The following SUMO2 variants were observed in gnomAD, a reference collection of about 807,000 sequenced individuals.
SUMO2 encodes small ubiquitin-related modifier 2.
A neutral mutation model predicts 16.0 loss-of-function variants in SUMO2; 1 was observed. The observed-to-expected ratio is 0.06, with a 90% confidence interval of 0.02 to 0.30. The LOEUF is 0.30. Among genes scored for constraint, SUMO2 ranks in the 10% least tolerant of loss-of-function variants. The probability of loss-of-function intolerance (pLI) is 1.00; values close to 1 mark genes in which losing one functional copy is unlikely to be tolerated. For synonymous variants in SUMO2, 36 were observed against 40.6 expected, an observed-to-expected ratio of 0.89 and a Z score of 0.43; for missense variants, 16 against 117.5, an observed-to-expected ratio of 0.14 and a Z score of 3.99.
At position 75,180,392 on chromosome 17, in the gene SUMO2, TAAA is replaced by T. The variant is rs58684188; in HGVS notation, c.153+662_153+664del. Among the ~76,000 whole-genome samples the T allele has an allele frequency of 1.5e-3, 67 of 44,866 alleles. 1 individual carries two copies. The highest frequency in any genetic ancestry group is 2.3e-3 in the African/African-American group (28 of 12,218). The allele number at this position is 44,866 out of a possible 152,430, so 29.4% of individuals were successfully genotyped here. A position where few individuals can be genotyped will look rare whatever the true frequency, so the allele number is the denominator to read the frequency against. On this transcript the variant is annotated intron_variant, in intron 2 of 3. Coordinates refer to ENST00000420826, the MANE Select transcript of SUMO2 (RefSeq NM_006937.4). ...AAGAAATAGAGTGAGACTCCCAGCT[TAAA>T]AAAAAAAAAAAAAAAAAAAAAAAAA...
chr17:75,174,633 C>CGAA, intron 3 of SUMO2, 119 bp downstream of exon 3: 1 of 838,082 alleles, frequency 1.2e-6, no homozygotes. Flanking sequence ...GGTCATACTT[C>CGAA]CCAAAGCTCT....
At chr17:75,171,880 TA>T (rs1270687796) in intron 3 of SUMO2, among the ~76,000 whole-genome samples, 1 of 152,094 alleles carries the variant, frequency 6.6e-6, no homozygotes, top group Non-Finnish European at 1.5e-5. Flanking sequence ...ATCTATCTAC[TA>T]AAACAAAATT....
intron 3 of SUMO2, among the ~76,000 whole-genome samples, chr17:75,173,177 T>C (rs2074755147): frequency 1.3e-5 from 2 of 152,198 alleles, no homozygotes; most frequent in Admixed American, 6.6e-5. Flanking sequence ...AAGTCTTCTA[T>C]TTTTGAGACA....
chr17:75,181,282 C>A, intron 1 of SUMO2, 94 bp from the exon 2 acceptor site: 1 of 1,322,248 alleles, frequency 7.6e-7, no homozygotes, highest in South Asian at 1.4e-5. Context: ...CAAAAATCAA[C>A]AGGTTTCTCA....
Position 75,176,090 on chromosome 17 carries a change from G to A in SUMO2, c.154-1267C>T, listed in dbSNP as rs1018405570. ...GAGTCTCGCTCTGTCGCCCAGGCTGGAGTGAGTGGAACAATCTCAGTTCAA... is the reference window on the plus strand; with the variant it reads ...GAGTCTCGCTCTGTCGCCCAGGCTGAAGTGAGTGGAACAATCTCAGTTCAA... On this transcript the variant is annotated intron_variant, in intron 2 of 3. Coordinates refer to ENST00000420826, the MANE Select transcript of SUMO2 (RefSeq NM_006937.4). 2.0e-5 allele frequency among the ~76,000 whole-genome samples: 3 copies of A among 151,662 alleles called. No individual in the cohort carries two copies. The South Asian group carries it at 6.3e-4, about 32-fold the overall frequency.
At chr17:75,171,539 T>A (rs1319606785) in intron 3 of SUMO2, among the ~76,000 whole-genome samples, 1 of 151,480 alleles carries the variant, frequency 6.6e-6, no homozygotes, top group Non-Finnish European at 1.5e-5. Flanking sequence ...AAAAAAAAGC[T>A]GGGGAGGCAG....
At position 75,182,811 on chromosome 17, in the gene SUMO2, C is replaced by T. The variant is rs779081178; in HGVS notation, c.21+3G>A. 5 of 1,400,868 alleles carry T rather than the reference C, an allele frequency of 3.6e-6. No individual in the cohort carries two copies. The East Asian group carries it at 8.6e-5, about 24-fold the overall frequency. The allele number at this position is 1,400,868 out of a possible 1,614,324, so 86.8% of individuals were successfully genotyped here. A position where few individuals can be genotyped will look rare whatever the true frequency, so the allele number is the denominator to read the frequency against. On this transcript the variant is annotated splice_donor_region_variant and intron_variant, in intron 1 of 3. Transcript: ENST00000420826. ...GAGGCGAAGGGGCCGGCGGCGAGCT[C>T]ACCTTGGGCTTTTCGTCGGCCATGG...
intron 3 of SUMO2, among the ~76,000 whole-genome samples, chr17:75,168,664 G>A (rs553401342): frequency 2.5e-4 from 38 of 151,714 alleles, no homozygotes; most frequent in Non-Finnish European, 7.4e-5. Context: ...CTGCAGTGGC[G>A]TGATCTCAGC....
intron 2 of SUMO2, among the ~76,000 whole-genome samples, chr17:75,178,523 A>G (rs904259464): frequency 1.2e-4 from 18 of 151,610 alleles, no homozygotes; most frequent in African/African-American, 3.1e-4. Context: ...AAAAAAAAAA[A>G]AAAAGAAAAG....
intron 2 of SUMO2, among the ~76,000 whole-genome samples, chr17:75,180,406 A>AC (rs1361458714): frequency 1.4e-5 from 2 of 144,114 alleles, no homozygotes; most frequent in East Asian, 2.1e-4. Context: ...AAAAAAAAAA[A>AC]AAAAAAAAAA....
Position 75,174,764 on chromosome 17 carries a change from GTC to G in SUMO2, c.211_212del (p.Asp71HisfsTer10). On this transcript the variant is annotated frameshift_variant, in exon 3 of 4. Transcript: ENST00000420826. LOFTEE classifies it high-confidence loss of function. ...RFDGQPINET[D>X]TPAQLEMEDE... is the part of the protein sequence containing the mutation. ...GAGATTTTTTTACCTGTGCAGGTGT[GTC>G]TGTTTCATTGATTGGTTGCCCGTCA... is the stretch of plus-strand genomic sequence containing the variant. 6.2e-7 allele frequency: 1 copy of G among 1,613,786 alleles called. No individual in the cohort carries two copies. Among genetic ancestry groups the G allele is most frequent in the Non-Finnish European group, 8.5e-7 (1 of 1,179,864 alleles).
At chr17:75,169,863 A>AAAG (rs1555654319) in intron 3 of SUMO2, among the ~76,000 whole-genome samples, 5 of 75,370 alleles carry the variant, frequency 6.6e-5, no homozygotes, top group African/African-American at 2.6e-4. Flanking sequence ...AAAAAAAAAA[A>AAAG]GGTGGGGGGG....
Position 75,176,659 on chromosome 17 carries a change from C to T in SUMO2, c.154-1836G>A, listed in dbSNP as rs115746148. On this transcript the variant is annotated intron_variant, in intron 2 of 3. Coordinates refer to ENST00000420826, the MANE Select transcript of SUMO2 (RefSeq NM_006937.4). The stretch of plus-strand genomic sequence containing the variant: ...ACAAAACCGACCTAAAATGCCCCAA[C>T]CTACACCCTTGAACTTCCTGGAATA... Among the ~76,000 whole-genome samples the T allele has an allele frequency of 2.6e-3, 400 of 152,054 alleles. 2 individuals are homozygous for T. Among genetic ancestry groups the T allele is most frequent in the African/African-American group, 9.3e-3 (385 of 41,504 alleles).
chr17:75,176,583 T>C (rs2074783916), intron 2 of SUMO2, among the ~76,000 whole-genome samples: 1 of 151,688 alleles, frequency 6.6e-6, no homozygotes, highest in South Asian at 2.1e-4. Context: ...GCCCTAGCAC[T>C]CCAGCCTGGG....
chr17:75,172,462 G>A (rs1013280394), intron 3 of SUMO2, among the ~76,000 whole-genome samples: 2 of 151,100 alleles, frequency 1.3e-5, no homozygotes, highest in African/African-American at 4.9e-5. Flanking sequence ...TGGGACTACA[G>A]GCGTGCACCA....
intron 2 of SUMO2, 69 bp downstream of exon 2, chr17:75,180,988 T>C (rs369736627): frequency 1.3e-6 from 2 of 1,586,046 alleles, no homozygotes; most frequent in Non-Finnish European, 1.7e-6. Flanking sequence ...AGTCTAGTTT[T>C]TGTTCCCATG....
At position 75,165,839 on chromosome 17, in the gene SUMO2, C is replaced by T. The variant is rs899901672; in HGVS notation, c.*2500G>A. 1 of 151,934 alleles carries T rather than the reference C, an allele frequency of 6.6e-6. No homozygotes were observed. Among genetic ancestry groups the T allele is most frequent in the Non-Finnish European group, 1.5e-5 (1 of 68,030 alleles). 9.4% of individuals were successfully genotyped at this position (151,934 alleles called of 1,614,324 possible). ...AGGAGTTTGAGACCAGCCTGGCTAA[C>T]ATGGTGAAGCCCTGTCTCTACTAAA... On this transcript the variant is annotated 3_prime_UTR_variant, in exon 4 of 4. Coordinates refer to ENST00000420826, the MANE Select transcript of SUMO2 (RefSeq NM_006937.4).
At chr17:75,181,983 G>A (rs941863052) in intron 1 of SUMO2, among the ~76,000 whole-genome samples, 2 of 152,072 alleles carry the variant, frequency 1.3e-5, no homozygotes, top group Non-Finnish European at 2.9e-5. Flanking sequence ...GAGGCGGGGG[G>A]TGCCACCAAA....
At chr17:75,179,733 C>T (rs2074812287) in intron 2 of SUMO2, among the ~76,000 whole-genome samples, 1 of 151,164 alleles carries the variant, frequency 6.6e-6, no homozygotes, top group South Asian at 2.1e-4. Flanking sequence ...GATCTTGGCT[C>T]ACTGCAGCCT....
Sources: gnomAD v4.1 joint callset for allele counts (sites outside exome capture counted in the v4.1 genomes callset) on GRCh38, gnomAD v4.1.1 for gene constraint, MANE v1.5 for transcripts, NCBI Gene and HGNC (gene_info 2026-07-23, HGNC 2026-07-21) for gene names.